The following TNFRSF10B variants were observed in gnomAD, a reference collection of about 807,000 sequenced individuals.
TNFRSF10B encodes the protein tumor necrosis factor receptor superfamily member 10B.
TNFRSF10B carries 35 observed loss-of-function variants against 41.4 expected under a neutral mutation model. The ratio of observed to expected loss-of-function variants is 0.85; its 90% CI spans 0.65 to 1.12. The LOEUF is 1.12. Ranked by LOEUF, TNFRSF10B falls within the 50% of genes most tolerant of loss-of-function variation. The pLI is 0.00. For missense variants in TNFRSF10B, 584 were observed against 552.7 expected, an observed-to-expected ratio of 1.06 and a Z score of -0.57; for synonymous variants, 230 against 215.5, an observed-to-expected ratio of 1.07 and a Z score of -0.59.
At chr8:23,040,979 T>G (rs74504126) in intron 2 of TNFRSF10B, among the ~76,000 whole-genome samples, 1 of 152,004 alleles carries the variant, frequency 6.6e-6, no homozygotes, top group African/African-American at 2.4e-5. Context: ...TACTACAAAA[T>G]GAAGTCCATG....
At chr8:23,041,107 G>A (rs1050415103) in intron 2 of TNFRSF10B, among the ~76,000 whole-genome samples, 4 of 148,448 alleles carry the variant, frequency 2.7e-5, no homozygotes, top group Non-Finnish European at 4.4e-5. Flanking sequence ...CACCCAGGCT[G>A]AAGTGCAATG....
Position 23,020,705 on chromosome 8 carries a change from A to G in TNFRSF10B, c.*1966T>C, listed in dbSNP as rs1032995792. 2 of 453,662 alleles carry G rather than the reference A, an allele frequency of 4.4e-6. No homozygotes were observed. The highest frequency in any genetic ancestry group is 8.8e-6 in the Non-Finnish European group (2 of 226,784). The allele number at this position is 453,662 out of a possible 1,614,324, so 28.1% of individuals were successfully genotyped here. A position where few individuals can be genotyped will look rare whatever the true frequency, so the allele number is the denominator to read the frequency against. On this transcript the variant is annotated 3_prime_UTR_variant, in exon 9 of 9. Coordinates refer to ENST00000276431, the MANE Select transcript of TNFRSF10B (RefSeq NM_003842.5). ...AGATTCTGTCTCAAAAAAATTAAAA[A>G]TAAAAGAAAAATCTTAAACACTGAT...
At chr8:23,029,784 C>T (rs1766651199) in intron 3 of TNFRSF10B, 63 bp from the exon 4 acceptor site, 1 of 1,506,606 alleles carries the variant, frequency 6.6e-7, no homozygotes, top group Non-Finnish European at 9.1e-7. Context: ...ACCCTTCCTC[C>T]CCACCCCAAG....
At chr8:23,044,780 T>C in intron 1 of TNFRSF10B, among the ~76,000 whole-genome samples, 1 of 151,024 alleles carries the variant, frequency 6.6e-6, no homozygotes, top group East Asian at 1.9e-4. Context: ...ATAATAAAAA[T>C]CAGAGCAAAA....
chr8:23,045,175 A>C (rs759219239), intron 1 of TNFRSF10B, among the ~76,000 whole-genome samples: 20 of 151,994 alleles, frequency 1.3e-4, no homozygotes, highest in Non-Finnish European at 2.6e-4. Flanking sequence ...AGTGGCAGTA[A>C]GCTGAGATTG....
chr8:23,022,614 C>CA lies in TNFRSF10B; in HGVS notation c.*56_*57insT, dbSNP rs746056256. On this transcript the variant is annotated 3_prime_UTR_variant, in exon 9 of 9. Transcript: ENST00000276431. ...TCCTACTGACTGGAGTCCAGTTGGG[C>CA]TTTTTCCAGAAAAAAGGTAAACCAG... The CA allele has an allele frequency of 4.4e-6, 7 of 1,604,472 alleles. No individual in the cohort carries two copies. The South Asian group carries it at 5.5e-5, about 13-fold the overall frequency.
intron 6 of TNFRSF10B, 77 bp from the exon 7 acceptor site, chr8:23,027,365 G>A (rs1300781604): frequency 7.0e-6 from 11 of 1,569,004 alleles, no homozygotes; most frequent in African/African-American, 6.8e-5. Flanking sequence ...TCCTCAGTAT[G>A]CAGCTGCACC....
intron 2 of TNFRSF10B, among the ~76,000 whole-genome samples, chr8:23,040,179 C>CA (rs1238348846): frequency 2.1e-5 from 3 of 145,054 alleles, no homozygotes; most frequent in Non-Finnish European, 4.5e-5. Context: ...GACCCTGTCT[C>CA]AAAAAATATA....
At chr8:23,057,036 CT>C (rs138262629) in intron 1 of TNFRSF10B, among the ~76,000 whole-genome samples, 41,013 of 135,484 alleles carry the variant, frequency 0.3, 6,265 homozygotes, top group East Asian at 0.5. Context: ...TCTTTTATGA[CT>C]TTTTTTTTTT....
At chr8:23,050,188 A>G (rs1812485912) in intron 1 of TNFRSF10B, among the ~76,000 whole-genome samples, 1 of 152,244 alleles carries the variant, frequency 6.6e-6, no homozygotes, top group African/African-American at 2.4e-5. Context: ...GGGCTGGCTC[A>G]TACACCCACT....
intron 2 of TNFRSF10B, among the ~76,000 whole-genome samples, chr8:23,036,056 G>C (rs564581749): frequency 6.7e-6 from 1 of 148,616 alleles, no homozygotes; most frequent in East Asian, 2.0e-4. Context: ...CAGGCCCTTA[G>C]GTTTTGGAGC....
intron 2 of TNFRSF10B, 80 bp downstream of exon 2, chr8:23,043,058 G>C: frequency 7.5e-7 from 1 of 1,337,236 alleles, no homozygotes; most frequent in Non-Finnish European, 1.1e-6. Flanking sequence ...AAAGAACAAG[G>C]AAGTGCAAAG....
intron 4 of TNFRSF10B, among the ~76,000 whole-genome samples, chr8:23,028,897 G>A (rs1811796308): frequency 6.6e-6 from 1 of 152,188 alleles, no homozygotes; most frequent in African/African-American, 2.4e-5. Flanking sequence ...GCCTGCGTTA[G>A]GAGCAATCAC....
intron 1 of TNFRSF10B, among the ~76,000 whole-genome samples, chr8:23,065,106 C>T (rs1229469188): frequency 6.6e-6 from 1 of 152,186 alleles, no homozygotes; most frequent in Admixed American, 6.5e-5. Flanking sequence ...ACCTGCTCCA[C>T]CAGACTGTGG....
intron 1 of TNFRSF10B, among the ~76,000 whole-genome samples, chr8:23,067,101 C>G (rs1428890114): frequency 6.6e-6 from 1 of 151,918 alleles, no homozygotes; most frequent in East Asian, 2.0e-4. Context: ...GCCTCAACCT[C>G]CCAAGTAGCT....
intron 2 of TNFRSF10B, among the ~76,000 whole-genome samples, chr8:23,039,112 C>T (rs758210889): frequency 2.6e-4 from 39 of 151,774 alleles, no homozygotes; most frequent in African/African-American, 8.5e-4. Context: ...ATAAGGAGTG[C>T]GCAACCTAGA....
chr8:23,048,599 T>G (rs923832065), intron 1 of TNFRSF10B, among the ~76,000 whole-genome samples: 6 of 152,326 alleles, frequency 3.9e-5, no homozygotes, highest in African/African-American at 1.4e-4. Flanking sequence ...GTGCAATGAA[T>G]GTAGTTAATA....
Position 23,021,756 on chromosome 8 carries a change from T to C in TNFRSF10B, c.*915A>G, listed in dbSNP as rs752664175. On this transcript the variant is annotated 3_prime_UTR_variant, in exon 9 of 9. Transcript: ENST00000276431. ...TTGTCCAGTTCAAAAGACTGGCCCC[T>C]GTAGAAGTTGCCAATCATTGAAGCC... 9.7e-5 allele frequency: 44 copies of C among 454,016 alleles called. No homozygotes were observed. Among genetic ancestry groups the C allele is most frequent in the Non-Finnish European group, 1.3e-5 (3 of 226,806 alleles). The allele number at this position is 454,016 out of a possible 1,614,324, so 28.1% of individuals were successfully genotyped here. A position where few individuals can be genotyped will look rare whatever the true frequency, so the allele number is the denominator to read the frequency against.
At chr8:23,060,685 G>A (rs979189707) in intron 1 of TNFRSF10B, among the ~76,000 whole-genome samples, 2 of 152,132 alleles carry the variant, frequency 1.3e-5, no homozygotes, top group Non-Finnish European at 2.9e-5. Context: ...AAATGTCCTT[G>A]GGATTTTGAT....
Sources: gnomAD v4.1 joint callset for allele counts (sites outside exome capture counted in the v4.1 genomes callset) on GRCh38, gnomAD v4.1.1 for gene constraint, MANE v1.5 for transcripts, NCBI Gene and HGNC (gene_info 2026-07-23, HGNC 2026-07-21) for gene names.